GALNTL6: variants seen among roughly 807,000 people sequenced by gnomAD.
GALNTL6 encodes the protein polypeptide N-acetylgalactosaminyltransferase like 6.
GALNTL6 carries 46 observed loss-of-function variants against 73.7 expected under a neutral mutation model. The observed-to-expected ratio is 0.62, with a 90% CI of 0.49 to 0.80. The LOEUF is 0.80. Ranked by LOEUF, GALNTL6 falls within the 30% of genes least tolerant of loss-of-function variation. The probability of loss-of-function intolerance (pLI) is 0.00; values close to 1 mark genes in which losing one functional copy is unlikely to be tolerated. For synonymous variants in GALNTL6, 259 were observed against 263.7 expected (o/e 0.98, Z 0.17); for missense variants, 604 against 755.0 (o/e 0.80, Z 2.34).
chr4:172,456,554 T>C (rs533919448), intron 5 of GALNTL6, among the ~76,000 whole-genome samples: 1 of 151,762 alleles, frequency 6.6e-6, no homozygotes, highest in Non-Finnish European at 1.5e-5. Context: ...TTGTGAAGCA[T>C]TCACAAGTAT....
chr4:172,765,420 C>A (rs1347705), intron 5 of GALNTL6, among the ~76,000 whole-genome samples: 72,982 of 151,958 alleles, frequency 0.48, 18,353 homozygotes, highest in African/African-American at 0.63. Flanking sequence ...CATCTAAGTC[C>A]TTGTTTGGTA....
chr4:171,973,739 T>G (rs1739637556), intron 2 of GALNTL6, among the ~76,000 whole-genome samples: 1 of 152,236 alleles, frequency 6.6e-6, no homozygotes, highest in Non-Finnish European at 1.5e-5. Context: ...TGTTAAAACT[T>G]TTGCATTAAT....
rs1741834209 is a variant in GALNTL6 at position 172,348,584 on chromosome 4, A to G, written c.448A>G (p.Asn150Asp). The G allele has an allele frequency of 6.2e-7, 1 of 1,613,070 alleles. No homozygotes were observed. The highest frequency in any genetic ancestry group is 1.3e-5 in the African/African-American group (1 of 74,900). ...CACCAGCATCATTATCCCATTTCAT[A>G]ATGAAGGTTGGACTTCACTCCTGCG... ...PNTSIIIPFHNEGWTSLLRTI... is the reference protein window; with the variant it reads ...PNTSIIIPFHDEGWTSLLRTI... Residue 150 changes from asparagine to aspartate, a missense_variant, in exon 5 of 13, where the codon AAT becomes GAT. Around this residue, in one of 5 missense-constraint regions of GALNTL6, gnomAD observed 9 missense variants for 30.3 expected, o/e 0.30. Coordinates refer to ENST00000506823, the MANE Select transcript of GALNTL6 (RefSeq NM_001034845.3).
chr4:172,943,823 G>A (rs1749027535), intron 9 of GALNTL6, among the ~76,000 whole-genome samples: 1 of 152,134 alleles, frequency 6.6e-6, no homozygotes, highest in Admixed American at 6.5e-5. Context: ...AGAAGAGAGA[G>A]CCCAGAAATG....
At chr4:172,805,254 G>T (rs1740887473) in intron 5 of GALNTL6, among the ~76,000 whole-genome samples, 1 of 152,040 alleles carries the variant, frequency 6.6e-6, no homozygotes, top group South Asian at 2.1e-4. Flanking sequence ...GTGTTTAGTT[G>T]CTTCCCTAAA....
intron 5 of GALNTL6, among the ~76,000 whole-genome samples, chr4:172,359,196 CA>C (rs1265838034): frequency 6.6e-6 from 1 of 152,146 alleles, no homozygotes; most frequent in African/African-American, 2.4e-5. Flanking sequence ...GAATACAATG[CA>C]TCCATAAAAA....
intron 5 of GALNTL6, among the ~76,000 whole-genome samples, chr4:172,393,370 G>A (rs1342591256): frequency 6.6e-6 from 1 of 152,072 alleles, no homozygotes; most frequent in Non-Finnish European, 1.5e-5. Flanking sequence ...TCTTTTTCAT[G>A]TAGCTCTCAA....
At chr4:172,468,950 G>A (rs1161038577) in intron 5 of GALNTL6, among the ~76,000 whole-genome samples, 2 of 152,164 alleles carry the variant, frequency 1.3e-5, no homozygotes, top group Admixed American at 1.3e-4. Context: ...GCATTAGAGG[G>A]AGACTAAAAA....
intron 2 of GALNTL6, among the ~76,000 whole-genome samples, chr4:171,951,114 C>A (rs1310753067): frequency 6.6e-6 from 1 of 151,732 alleles, no homozygotes; most frequent in Non-Finnish European, 1.5e-5. Flanking sequence ...AAAAACATTC[C>A]AGGTGTGTGT....
chr4:172,683,249 T>A (rs942844296), intron 5 of GALNTL6, among the ~76,000 whole-genome samples: 2 of 152,190 alleles, frequency 1.3e-5, no homozygotes, highest in African/African-American at 4.8e-5. Flanking sequence ...ATTTCTTGGA[T>A]CATTGTAGTC....
intron 2 of GALNTL6, among the ~76,000 whole-genome samples, chr4:172,193,284 G>A (rs532844290): frequency 2.0e-5 from 3 of 152,234 alleles, no homozygotes; most frequent in African/African-American, 7.2e-5. Context: ...GCATCAGGTC[G>A]GTGCCCCTCT....
At chr4:172,706,474 T>C (rs1007807740) in intron 5 of GALNTL6, among the ~76,000 whole-genome samples, 2 of 152,034 alleles carry the variant, frequency 1.3e-5, no homozygotes, top group African/African-American at 2.4e-5. Flanking sequence ...TTTTGTCCAT[T>C]TGGGGAGGTC....
chr4:172,423,962 A>G (rs1731139771), intron 5 of GALNTL6, among the ~76,000 whole-genome samples: 1 of 152,122 alleles, frequency 6.6e-6, no homozygotes, highest in African/African-American at 2.4e-5. Flanking sequence ...CAAGTTACTT[A>G]CATGCCTCAG....
At chr4:172,304,425 G>GGAA (rs5864128) in intron 3 of GALNTL6, among the ~76,000 whole-genome samples, 2 of 149,808 alleles carry the variant, frequency 1.3e-5, no homozygotes, top group African/African-American at 4.9e-5. Flanking sequence ...TAGTATATGG[G>GGAA]AAAAAAAAAA....
chr4:172,067,145 T>G (rs552785994), intron 2 of GALNTL6, among the ~76,000 whole-genome samples: 200 of 151,994 alleles, frequency 1.3e-3, no homozygotes, highest in African/African-American at 4.6e-3. Flanking sequence ...ATCAACTAGA[T>G]CATACATTCT....
At chr4:172,854,504 T>A (rs1164624260) in intron 7 of GALNTL6, among the ~76,000 whole-genome samples, 2 of 152,186 alleles carry the variant, frequency 1.3e-5, no homozygotes, top group African/African-American at 2.4e-5. Context: ...TATAAGAATA[T>A]ACATCATTAT....
At chr4:172,297,918 A>C (rs1016253100) in intron 3 of GALNTL6, among the ~76,000 whole-genome samples, 3 of 152,170 alleles carry the variant, frequency 2.0e-5, no homozygotes, top group Non-Finnish European at 4.4e-5. Context: ...TGGGGATGAC[A>C]TTGAATCTGT....
chr4:172,154,257 A>G (rs540565582), intron 2 of GALNTL6, among the ~76,000 whole-genome samples: 1 of 149,076 alleles, frequency 6.7e-6, no homozygotes, highest in Admixed American at 6.8e-5. Flanking sequence ...TTTGAGATGG[A>G]GTTTTGCTCT....
At chr4:172,903,079 T>C (rs1280036721) in intron 8 of GALNTL6, among the ~76,000 whole-genome samples, 2 of 152,038 alleles carry the variant, frequency 1.3e-5, no homozygotes, top group Non-Finnish European at 2.9e-5. Flanking sequence ...TTCTCCTCTT[T>C]TAATCTACCC....
Sources: gnomAD v4.1 joint callset for allele counts (sites outside exome capture counted in the v4.1 genomes callset) on GRCh38, gnomAD v4.1.1 for gene constraint, gnomAD v4.1.1 regional missense constraint, MANE v1.5 for transcripts, NCBI Gene and HGNC (gene_info 2026-07-23, HGNC 2026-07-21) for gene names.